Variants in DOK5 observed in about 807,000 individuals in gnomAD.
The protein encoded by DOK5 is docking protein 5.
In DOK5, 27 loss-of-function variants were observed where a neutral mutation model predicts 43.3. The observed-to-expected ratio is 0.62, with a 90% CI of 0.46 to 0.86. The LOEUF (loss-of-function observed/expected upper bound fraction) is 0.86. Among genes scored for constraint, DOK5 ranks in the 40% least tolerant of loss-of-function variants. The pLI, the probability that DOK5 is intolerant of heterozygous loss-of-function variation, is 0.00. For missense variants in DOK5, 373 were observed against 392.9 expected (o/e 0.95, Z 0.43); for synonymous variants, 146 against 140.1 (o/e 1.04, Z -0.30).
chr20:54,643,035 GA>G (rs1199665430), intron 6 of DOK5, among the ~76,000 whole-genome samples: 1 of 152,190 alleles, frequency 6.6e-6, no homozygotes, highest in East Asian at 1.9e-4. Flanking sequence ...GCACTCTGGG[GA>G]TAGATCAATG....
At chr20:54,512,354 T>A (rs1983041957) in intron 1 of DOK5, among the ~76,000 whole-genome samples, 2 of 152,364 alleles carry the variant, frequency 1.3e-5, no homozygotes, top group Admixed American at 1.3e-4. Context: ...TTGTTTATAC[T>A]CAGACCATCA....
intron 1 of DOK5, among the ~76,000 whole-genome samples, chr20:54,499,775 G>T (rs564573840): frequency 1.5e-4 from 23 of 152,268 alleles, no homozygotes; most frequent in African/African-American, 5.5e-4. Flanking sequence ...GGTTAAATCT[G>T]GGATTCAATG....
chr20:54,632,691 G>C (rs530366488), intron 6 of DOK5, among the ~76,000 whole-genome samples: 4 of 152,282 alleles, frequency 2.6e-5, no homozygotes, highest in Non-Finnish European at 5.9e-5. Context: ...CAGAATGATT[G>C]TTCTAAAGGT....
At chr20:54,526,918 A>G (rs1441778661) in intron 1 of DOK5, among the ~76,000 whole-genome samples, 1 of 152,184 alleles carries the variant, frequency 6.6e-6, no homozygotes, top group Admixed American at 6.5e-5. Context: ...CAATGAGGTT[A>G]TAGTTATTAT....
chr20:54,625,982 T>G (rs1444738886), intron 6 of DOK5, among the ~76,000 whole-genome samples: 1 of 152,238 alleles, frequency 6.6e-6, no homozygotes, highest in East Asian at 1.9e-4. Context: ...AGGAGAACGC[T>G]GCTGCGAGGA....
intron 6 of DOK5, among the ~76,000 whole-genome samples, chr20:54,619,156 G>A (rs761575135): frequency 3.4e-4 from 48 of 140,364 alleles, no homozygotes; most frequent in African/African-American, 7.4e-4. Flanking sequence ...ATTATTTCTC[G>A]TCTACATTTC....
Position 54,545,923 on chromosome 20 carries a change from AGT to A in DOK5, c.67-9007_67-9006del, listed in dbSNP as rs796904744. Among the ~76,000 whole-genome samples the A allele has an allele frequency of 1.2e-4, 19 of 152,236 alleles. 1 individual carries two copies. Among genetic ancestry groups the A allele is most frequent in the African/African-American group, 4.6e-4 (19 of 41,458 alleles). On this transcript the variant is annotated intron_variant, in intron 1 of 7. Coordinates refer to ENST00000262593, the MANE Select transcript of DOK5 (RefSeq NM_018431.5). ...ATGAAACAGCATATGGCTACAACTA[AGT>A]GTCTCTTTTTAGATTATGATAAGCA...
chr20:54,622,908 A>G (rs1987026822), intron 6 of DOK5, among the ~76,000 whole-genome samples: 1 of 152,140 alleles, frequency 6.6e-6, no homozygotes, highest in Non-Finnish European at 1.5e-5. Context: ...GAAGTCAAGG[A>G]GTAAGTTTAA....
intron 6 of DOK5, among the ~76,000 whole-genome samples, chr20:54,622,231 G>A (rs1000539701): frequency 6.6e-6 from 1 of 151,834 alleles, no homozygotes; most frequent in African/African-American, 2.4e-5. Context: ...ATAAAAAAAA[G>A]AGCTAAATGA....
At chr20:54,502,736 G>A (rs1187221293) in intron 1 of DOK5, among the ~76,000 whole-genome samples, 3 of 151,900 alleles carry the variant, frequency 2.0e-5, no homozygotes, top group Non-Finnish European at 4.4e-5. Context: ...ATTTCAAAAA[G>A]CTCTTTTAAT....
intron 1 of DOK5, among the ~76,000 whole-genome samples, chr20:54,509,730 TA>T (rs1344383102): frequency 1.3e-5 from 2 of 152,206 alleles, no homozygotes; most frequent in Non-Finnish European, 2.9e-5. Flanking sequence ...TTAAATTCTG[TA>T]AGTTAAAACT....
At chr20:54,576,657 C>T (rs1333461457) in intron 2 of DOK5, among the ~76,000 whole-genome samples, 1 of 152,180 alleles carries the variant, frequency 6.6e-6, no homozygotes, top group Non-Finnish European at 1.5e-5. Context: ...GCCACAGGAC[C>T]TGGCATGCCG....
At chr20:54,529,535 G>T (rs1014327529) in intron 1 of DOK5, among the ~76,000 whole-genome samples, 1 of 138,860 alleles carries the variant, frequency 7.2e-6, no homozygotes, top group African/African-American at 3.3e-5. Flanking sequence ...GTTTATAAGG[G>T]TGACTTTAAA....
At chr20:54,501,195 C>T (rs970635769) in intron 1 of DOK5, among the ~76,000 whole-genome samples, 6 of 151,094 alleles carry the variant, frequency 4.0e-5, no homozygotes, top group African/African-American at 7.3e-5. Context: ...GGGCTGGGCG[C>T]GGTGGCTCAC....
At chr20:54,623,369 T>G (rs1211093227) in intron 6 of DOK5, among the ~76,000 whole-genome samples, 1 of 152,108 alleles carries the variant, frequency 6.6e-6, no homozygotes, top group Non-Finnish European at 1.5e-5. Flanking sequence ...CAGAATTGGA[T>G]GGGTCTGTGT....
chr20:54,502,012 A>G (rs937784947), intron 1 of DOK5, among the ~76,000 whole-genome samples: 19 of 152,210 alleles, frequency 1.2e-4, no homozygotes, highest in African/African-American at 4.3e-4. Flanking sequence ...ATTATATGCC[A>G]TTGATAAAGT....
chr20:54,528,320 G>A (rs926357747), intron 1 of DOK5, among the ~76,000 whole-genome samples: 2 of 152,128 alleles, frequency 1.3e-5, no homozygotes, highest in Non-Finnish European at 2.9e-5. Flanking sequence ...CAGAATAATA[G>A]TAGCTTATTA....
At chr20:54,483,503 T>C in intron 1 of DOK5, among the ~76,000 whole-genome samples, 1 of 152,228 alleles carries the variant, frequency 6.6e-6, no homozygotes, top group East Asian at 1.9e-4. Flanking sequence ...GTATTCACTA[T>C]AGTTAAAGAG....
At chr20:54,573,413 C>T (rs913860275) in intron 2 of DOK5, among the ~76,000 whole-genome samples, 90 of 152,048 alleles carry the variant, frequency 5.9e-4, no homozygotes, top group African/African-American at 2.0e-3. Flanking sequence ...TTAGGCGAGG[C>T]GCGGTGGCTC....
Sources: allele counts gnomAD v4.1 joint callset (sites outside exome capture counted in the v4.1 genomes callset), GRCh38; gene constraint gnomAD v4.1.1; transcripts MANE v1.5; gene names NCBI Gene and HGNC (gene_info 2026-07-23, HGNC 2026-07-21).